The following SMYD3 variants were observed in gnomAD, a reference collection of about 807,000 sequenced individuals.
SMYD3 encodes histone-lysine N-methyltransferase SMYD3.
SMYD3 carries 36 observed loss-of-function variants against 57.7 expected under a neutral mutation model. The observed-to-expected ratio is 0.62, with a 90% CI of 0.48 to 0.82. SMYD3 has a LOEUF of 0.82. Among genes scored for constraint, SMYD3 ranks in the 40% least tolerant of loss-of-function variants. The pLI is 0.00. For synonymous variants in SMYD3, 211 were observed against 195.0 expected (o/e 1.08, Z -0.68); for missense variants, 515 against 538.8 (o/e 0.96, Z 0.44).
chr1:246,194,795 C>T (rs1451729358), intron 5 of SMYD3, among the ~76,000 whole-genome samples: 1 of 152,198 alleles, frequency 6.6e-6, no homozygotes. Flanking sequence ...AAAGAGAGAA[C>T]ATTTCCATTA....
At chr1:245,817,876 T>A (rs916748455) in intron 10 of SMYD3, among the ~76,000 whole-genome samples, 13 of 152,254 alleles carry the variant, frequency 8.5e-5, no homozygotes, top group Non-Finnish European at 1.5e-4. Context: ...GAGCAACGCC[T>A]CCAAGAAATA....
intron 5 of SMYD3, among the ~76,000 whole-genome samples, chr1:246,057,141 A>G (rs1463025118): frequency 1.3e-5 from 2 of 152,236 alleles, no homozygotes; most frequent in East Asian, 3.8e-4. Flanking sequence ...AATAACAATA[A>G]TAATAATTGC....
intron 2 of SMYD3, among the ~76,000 whole-genome samples, chr1:246,335,693 C>A (rs1035984392): frequency 2.6e-5 from 4 of 152,188 alleles, no homozygotes; most frequent in African/African-American, 7.2e-5. Context: ...CTCAGCTTCA[C>A]CTCTGTGCTT....
chr1:246,222,744 A>G (rs972902749), intron 5 of SMYD3, among the ~76,000 whole-genome samples: 4 of 152,164 alleles, frequency 2.6e-5, no homozygotes, highest in African/African-American at 9.7e-5. Context: ...GAAGGATGCA[A>G]AGAACTCAAT....
intron 5 of SMYD3, among the ~76,000 whole-genome samples, chr1:246,171,692 C>T (rs2062336925): frequency 6.6e-6 from 1 of 152,142 alleles, no homozygotes; most frequent in Non-Finnish European, 1.5e-5. Context: ...CTACACTTAT[C>T]TAAACATAGA....
chr1:246,069,993 G>A (rs1229541403), intron 5 of SMYD3, among the ~76,000 whole-genome samples: 2 of 152,154 alleles, frequency 1.3e-5, no homozygotes, highest in Non-Finnish European at 2.9e-5. Flanking sequence ...GCAGGCTTGT[G>A]GAGGTGCTGG....
chr1:245,769,908 G>C (rs1039568527), intron 10 of SMYD3, among the ~76,000 whole-genome samples: 1 of 152,106 alleles, frequency 6.6e-6, no homozygotes, highest in African/African-American at 2.4e-5. Context: ...GCATCTGCAG[G>C]TTCCAACAAC....
intron 10 of SMYD3, among the ~76,000 whole-genome samples, chr1:245,791,665 G>T (rs955751872): frequency 1.3e-5 from 2 of 152,122 alleles, no homozygotes; most frequent in Non-Finnish European, 1.5e-5. Context: ...TACATCAGTC[G>T]GTATTTGTTC....
intron 5 of SMYD3, among the ~76,000 whole-genome samples, chr1:246,190,584 C>CAAAAAAAAAAAAAAAAAAAAA (rs11302731): frequency 1.6e-5 from 1 of 63,008 alleles, no homozygotes. Context: ...GACTCTGTCT[C>CAAAAAAAAAAAAAAAAAAAAA]AAAAAAAAAA....
At chr1:246,300,216 CTTACT>C (rs1333358315) in intron 5 of SMYD3, among the ~76,000 whole-genome samples, 1 of 152,102 alleles carries the variant, frequency 6.6e-6, no homozygotes, top group African/African-American at 2.4e-5. Flanking sequence ...TGTGCTTTTA[CTTACT>C]TTAACTTTTC....
At chr1:246,172,499 C>CAG (rs1476454117) in intron 5 of SMYD3, among the ~76,000 whole-genome samples, 1 of 137,596 alleles carries the variant, frequency 7.3e-6, no homozygotes, top group African/African-American at 2.8e-5. Flanking sequence ...TTAGGCTACA[C>CAG]AGGCCTAGAA....
At chr1:246,081,625 C>T (rs2147840490) in intron 5 of SMYD3, among the ~76,000 whole-genome samples, 1 of 152,340 alleles carries the variant, frequency 6.6e-6, no homozygotes, top group Middle Eastern at 3.4e-3. Flanking sequence ...AACTCCTGCC[C>T]TCAAGTGACC....
chr1:246,168,147 C>T (rs1013344557), intron 5 of SMYD3, among the ~76,000 whole-genome samples: 1 of 152,072 alleles, frequency 6.6e-6, no homozygotes, highest in Admixed American at 6.5e-5. Flanking sequence ...GAGTAAACCT[C>T]GTGGATATGT....
chr1:246,145,222 G>A (rs537640635), intron 5 of SMYD3, among the ~76,000 whole-genome samples: 18 of 152,146 alleles, frequency 1.2e-4, no homozygotes, highest in Non-Finnish European at 2.5e-4. Context: ...CCTTGATCAA[G>A]TTCAGAAACT....
At chr1:246,043,690 G>C (rs1225557979) in intron 5 of SMYD3, among the ~76,000 whole-genome samples, 1 of 152,206 alleles carries the variant, frequency 6.6e-6, no homozygotes, top group African/African-American at 2.4e-5. Flanking sequence ...TGATTAAACA[G>C]CATTTATGAT....
intron 5 of SMYD3, among the ~76,000 whole-genome samples, chr1:246,291,080 C>T (rs887522762): frequency 1.3e-5 from 2 of 151,616 alleles, no homozygotes; most frequent in Non-Finnish European, 2.9e-5. Context: ...TTGATAAAAA[C>T]AAAGCAAAGA....
intron 9 of SMYD3, among the ~76,000 whole-genome samples, chr1:245,860,682 A>G (rs2051491065): frequency 6.6e-6 from 1 of 152,228 alleles, no homozygotes; most frequent in African/African-American, 2.4e-5. Flanking sequence ...TTGCTCTTGC[A>G]TTCATCTGAC....
intron 1 of SMYD3, among the ~76,000 whole-genome samples, chr1:246,447,991 GA>G (rs1350535258): frequency 1.3e-5 from 2 of 152,152 alleles, no homozygotes; most frequent in Non-Finnish European, 2.9e-5. Flanking sequence ...TCATCCATTT[GA>G]AAATAAGTTG....
intron 5 of SMYD3, among the ~76,000 whole-genome samples, chr1:245,978,990 G>A (rs193025755): frequency 5.3e-5 from 8 of 152,290 alleles, no homozygotes; most frequent in African/African-American, 1.9e-4. Flanking sequence ...ATTGCTAAAA[G>A]CATGTGACTA....
Sources: gnomAD v4.1 joint callset for allele counts (sites outside exome capture counted in the v4.1 genomes callset) on GRCh38, gnomAD v4.1.1 for gene constraint, MANE v1.5 for transcripts, NCBI Gene and HGNC (gene_info 2026-07-23, HGNC 2026-07-21) for gene names.